Variants in RASA1 observed in about 807,000 individuals in gnomAD.
The protein encoded by RASA1 is ras GTPase-activating protein 1.
Under a neutral mutation model 132.2 loss-of-function variants are expected in RASA1, and 25 were observed. The observed-to-expected ratio is 0.19, with a 90% CI of 0.14 to 0.26. RASA1 has a LOEUF of 0.26. RASA1 is among the 10% of genes least tolerant of loss of function. The probability of loss-of-function intolerance (pLI) is 1.00; values close to 1 mark genes in which losing one functional copy is unlikely to be tolerated. For missense variants in RASA1, 964 were observed against 1,299.2 expected (o/e 0.74, Z 3.97); for synonymous variants, 477 against 449.9 (o/e 1.06, Z -0.76).
At chr5:87,316,019 A>G (rs1216801851) in intron 1 of RASA1, among the ~76,000 whole-genome samples, 6 of 152,362 alleles carry the variant, frequency 3.9e-5, no homozygotes, top group South Asian at 2.1e-4. Context: ...TATGGACACT[A>G]TGTTAAAATC....
intron 9 of RASA1, among the ~76,000 whole-genome samples, chr5:87,356,776 T>A (rs1316218085): frequency 3.3e-5 from 5 of 152,198 alleles, no homozygotes; most frequent in Non-Finnish European, 7.3e-5. Context: ...TAAACATAAC[T>A]TATACGTGCA....
At chr5:87,310,688 A>AC (rs960139176) in intron 1 of RASA1, among the ~76,000 whole-genome samples, 7 of 152,134 alleles carry the variant, frequency 4.6e-5, no homozygotes, top group Non-Finnish European at 8.8e-5. Context: ...AGAGTTCCAA[A>AC]CCATGGGGTT....
intron 23 of RASA1, among the ~76,000 whole-genome samples, chr5:87,387,311 A>G (rs185815733): frequency 2.6e-5 from 4 of 152,264 alleles, no homozygotes; most frequent in Non-Finnish European, 5.9e-5. Context: ...TAGACTGAAA[A>G]GTCTTCTTTT....
intron 1 of RASA1, among the ~76,000 whole-genome samples, chr5:87,297,596 C>G (rs903456587): frequency 1.8e-4 from 27 of 152,324 alleles, no homozygotes; most frequent in African/African-American, 6.5e-4. Flanking sequence ...GAGTTGTTTA[C>G]AGTACTTCTT....
At chr5:87,370,278 C>T (rs1296716612) in intron 12 of RASA1, among the ~76,000 whole-genome samples, 1 of 152,138 alleles carries the variant, frequency 6.6e-6, no homozygotes, top group Non-Finnish European at 1.5e-5. Context: ...ACTGGTTGAA[C>T]TCCATGTCTG....
chr5:87,268,018 G>A lies in RASA1; in HGVS notation c.-434G>A. 1 of 405,618 alleles carries A rather than the reference G, an allele frequency of 2.5e-6. No homozygotes were observed. Among genetic ancestry groups the A allele is most frequent in the East Asian group, 3.6e-5 (1 of 28,082 alleles). The allele number at this position is 405,618 out of a possible 1,614,324, so 25.1% of individuals were successfully genotyped here. A position where few individuals can be genotyped will look rare whatever the true frequency, so the allele number is the denominator to read the frequency against. On this transcript the variant is annotated 5_prime_UTR_variant, in exon 1 of 25. Transcript: ENST00000274376. ...CTGCAGTGGCCCCAGCCTCAGCAGCGGCACCGGCGGTGGCTGCGGTGTGGG... is the reference window on the plus strand; with the variant it reads ...CTGCAGTGGCCCCAGCCTCAGCAGCAGCACCGGCGGTGGCTGCGGTGTGGG...
At chr5:87,274,188 A>G (rs1029032338) in intron 1 of RASA1, among the ~76,000 whole-genome samples, 10 of 152,170 alleles carry the variant, frequency 6.6e-5, no homozygotes, top group Non-Finnish European at 8.8e-5. Context: ...TTGCTATTGC[A>G]GTATTTGCCT....
chr5:87,296,337 C>T (rs1755120245), intron 1 of RASA1, among the ~76,000 whole-genome samples: 2 of 152,188 alleles, frequency 1.3e-5, no homozygotes, highest in African/African-American at 4.8e-5. Context: ...TACATCATTG[C>T]TATTATTTTG....
At chr5:87,350,234 G>A (rs981587886) in intron 8 of RASA1, among the ~76,000 whole-genome samples, 1 of 151,838 alleles carries the variant, frequency 6.6e-6, no homozygotes, top group Non-Finnish European at 1.5e-5. Context: ...GACATCAAAT[G>A]TAAGATGTGA....
intron 5 of RASA1, among the ~76,000 whole-genome samples, chr5:87,338,511 A>ATC (rs1758151871): frequency 1.1e-5 from 1 of 91,188 alleles, no homozygotes; most frequent in African/African-American, 4.0e-5. Context: ...TTATATATAT[A>ATC]TATATATATA....
chr5:87,331,381 A>G lies in RASA1; in HGVS notation c.573A>G (p.Ala191=), dbSNP rs1334010928. The part of the protein sequence containing the change: ...WYHGKLDRTI[A]EERLRQAGKS... ...ACGGAAAACTTGACAGAACGATAGC[A>G]GAAGAACGCCTCAGGCAGGCAGGGA... The change falls in exon 2 of 25, where the codon GCA becomes GCG. Residue 191 remains alanine, a synonymous_variant. Coordinates refer to ENST00000274376, the MANE Select transcript of RASA1 (RefSeq NM_002890.3). 1.2e-6 allele frequency: 2 copies of G among 1,612,654 alleles called. No homozygotes were observed. The highest frequency in any genetic ancestry group is 1.1e-5 in the South Asian group (1 of 91,060).
chr5:87,306,349 C>T (rs549062548), intron 1 of RASA1, among the ~76,000 whole-genome samples: 2 of 152,266 alleles, frequency 1.3e-5, no homozygotes, highest in African/African-American at 4.8e-5. Context: ...CCATTATCCT[C>T]AGCAAACTAA....
chr5:87,321,778 G>T (rs560038967), intron 1 of RASA1, among the ~76,000 whole-genome samples: 4 of 152,130 alleles, frequency 2.6e-5, no homozygotes, highest in African/African-American at 7.2e-5. Flanking sequence ...AGTCCTTTTG[G>T]TTTTTTATGG....
chr5:87,323,717 C>CT lies in RASA1; in HGVS notation c.540-7620dup, dbSNP rs796856633. Among the ~76,000 whole-genome samples the CT allele has an allele frequency of 2.3e-3, 331 of 143,918 alleles. 1 individual carries two copies. The highest frequency in any genetic ancestry group is 0.011 in the Middle Eastern group (3 of 272). The allele number at this position is 143,918 out of a possible 152,430, so 94.4% of individuals were successfully genotyped here. A position where few individuals can be genotyped will look rare whatever the true frequency, so the allele number is the denominator to read the frequency against. ...CTATATATCTTTTGATAAGTCAATT[C>CT]TTTTTTTTTTTGCCTGTGCTTTTTC... is the stretch of plus-strand genomic sequence containing the variant. On this transcript the variant is annotated intron_variant, in intron 1 of 24. Transcript: ENST00000274376.
intron 1 of RASA1, among the ~76,000 whole-genome samples, chr5:87,286,385 A>G (rs1355214080): frequency 3.9e-5 from 6 of 152,120 alleles, no homozygotes; most frequent in Non-Finnish European, 5.9e-5. Flanking sequence ...TCCTCAGCCA[A>G]TTGATAACTC....
intron 1 of RASA1, among the ~76,000 whole-genome samples, chr5:87,279,754 TAGTC>T (rs759940960): frequency 7.1e-4 from 108 of 152,366 alleles, no homozygotes; most frequent in Admixed American, 1.8e-3. Flanking sequence ...CTAATTATAT[TAGTC>T]AGGGTTCTCC....
At chr5:87,281,306 GATCTCGTCTCACTGCA>G (rs534939662) in intron 1 of RASA1, among the ~76,000 whole-genome samples, 31 of 150,362 alleles carry the variant, frequency 2.1e-4, no homozygotes, top group East Asian at 1.2e-3. Context: ...GCAATGGCGT[GATCTCGTCTCACTGCA>G]ATCTCGTCTC....
At chr5:87,286,933 T>TATATATACACCATATATATACATACC (rs1295791940) in intron 1 of RASA1, among the ~76,000 whole-genome samples, 1 of 145,456 alleles carries the variant, frequency 6.9e-6, no homozygotes, top group African/African-American at 2.5e-5. Context: ...ATACATACCA[T>TATATATACACCATATATATACATACC]ATATATACAC....
At chr5:87,354,253 TTA>T (rs1431333803) in intron 9 of RASA1, among the ~76,000 whole-genome samples, 1 of 152,138 alleles carries the variant, frequency 6.6e-6, no homozygotes. Context: ...CATTGCCTTA[TTA>T]TGTTTCAAAG....
Sources: gnomAD v4.1 joint callset for allele counts (sites outside exome capture counted in the v4.1 genomes callset) on GRCh38, gnomAD v4.1.1 for gene constraint, MANE v1.5 for transcripts, NCBI Gene and HGNC (gene_info 2026-07-23, HGNC 2026-07-21) for gene names.